Variants in BNIP1 observed in about 807,000 individuals in gnomAD.
BNIP1 encodes BCL2 interacting protein 1, also known as vesicle transport protein SEC20.
A neutral mutation model predicts 28.5 loss-of-function variants in BNIP1; 25 were observed. The observed-to-expected ratio is 0.88, with a 90% CI of 0.64 to 1.23. BNIP1 has a LOEUF of 1.23. Ranked by LOEUF, BNIP1 falls within the 50% of genes most tolerant of loss-of-function variation. The pLI is 0.00. For synonymous variants in BNIP1, 118 were observed against 101.7 expected (o/e 1.16, Z -0.96); for missense variants, 276 against 277.0 (o/e 1.00, Z 0.02).
chr5:173,159,437 A>C (rs1039042415), intron 4 of BNIP1, among the ~76,000 whole-genome samples: 18 of 152,094 alleles, frequency 1.2e-4, no homozygotes, highest in Admixed American at 3.3e-4. Context: ...ACCATACATA[A>C]AATTTCATAT....
intron 3 of BNIP1, among the ~76,000 whole-genome samples, chr5:173,157,924 G>C (rs1375839735): frequency 7.0e-6 from 1 of 143,876 alleles, no homozygotes; most frequent in East Asian, 2.0e-4. Flanking sequence ...GTGTGTGTGT[G>C]TGTTTTTTTT....
rs1760450212 is a variant in BNIP1 at position 173,164,337 on chromosome 5, A to G, written c.*416A>G. ...ATGAAAACTCCTGGTCATTCCTTGA[A>G]TAAACTTGATTTTATTTAATAGAAT... On this transcript the variant is annotated 3_prime_UTR_variant, in exon 6 of 6. Transcript: ENST00000351486. The surrounding 1 kb of genome is among the most constrained non-coding windows in gnomAD (Gnocchi z 4.0). 1 of 160,228 alleles carries G rather than the reference A, an allele frequency of 6.2e-6. No homozygotes were observed. Among genetic ancestry groups the G allele is most frequent in the Admixed American group, 6.4e-5 (1 of 15,526 alleles). 9.9% of individuals were successfully genotyped at this position (160,228 alleles called of 1,614,324 possible).
In BNIP1 at chr5:173,159,719, A is replaced by G. The variant is rs371756646; in HGVS notation, c.372-214A>G. Among the ~76,000 whole-genome samples, 18 of 152,284 alleles carry G rather than the reference A, an allele frequency of 1.2e-4. No individual in the cohort carries two copies. The South Asian group carries it at 3.7e-3, about 32-fold the overall frequency. ...CATTACCAAGGCTCTTCAATTGGCAAATTGCTTTACAGAAGGCAGCACTGG... is the reference window on the plus strand; with the variant it reads ...CATTACCAAGGCTCTTCAATTGGCAGATTGCTTTACAGAAGGCAGCACTGG... On this transcript the variant is annotated intron_variant, in intron 4 of 5. Coordinates refer to ENST00000351486, the MANE Select transcript of BNIP1 (RefSeq NM_001205.3).
At chr5:173,152,599 C>G (rs1438740446) in intron 2 of BNIP1, among the ~76,000 whole-genome samples, 1 of 152,160 alleles carries the variant, frequency 6.6e-6, no homozygotes, top group Non-Finnish European at 1.5e-5. Flanking sequence ...TCTGCCTGCC[C>G]TGGCCTCCCA....
At position 173,160,014 on chromosome 5, in the gene BNIP1, G is replaced by A; in HGVS notation, c.453G>A (p.Gln151=). ...SLMGISRMMA[Q]QVQQSEEAMQ... is the part of the protein sequence containing the mutation. ...TGGGGATCAGCAGGATGATGGCCCA[G>A]CAGGTCCAGCAGAGCGAGGAGGCCA... Residue 151 remains glutamine (Q), a synonymous_variant, in exon 5 of 6, where the codon CAG becomes CAA. Transcript: ENST00000351486. 6.2e-7 allele frequency: 1 copy of A among 1,614,106 alleles called. No homozygotes were observed. The highest frequency in any genetic ancestry group is 8.5e-7 in the Non-Finnish European group (1 of 1,179,994).
intron 1 of BNIP1, among the ~76,000 whole-genome samples, chr5:173,146,323 G>A (rs577491983): frequency 1.3e-5 from 2 of 152,340 alleles, no homozygotes; most frequent in African/African-American, 4.8e-5. Flanking sequence ...AGAGCCTGCC[G>A]TGAAAGCTGG....
At chr5:173,144,691 G>T in intron 1 of BNIP1, 62 bp downstream of exon 1, 1 of 1,559,460 alleles carries the variant, frequency 6.4e-7, no homozygotes, top group South Asian at 1.1e-5. Context: ...GCTGGTCTGT[G>T]AGCTTGGCAG....
intron 2 of BNIP1, chr5:173,151,686 A>G: frequency 6.2e-7 from 1 of 1,613,526 alleles, no homozygotes; most frequent in South Asian, 1.1e-5. Context: ...TACACCTGTT[A>G]CCTTCAGTGT....
Position 173,164,011 on chromosome 5 carries a change from C to A in BNIP1, c.*90C>A. 2.3e-6 allele frequency: 3 copies of A among 1,321,188 alleles called. No homozygotes were observed. Among genetic ancestry groups the A allele is most frequent in the Non-Finnish European group, 3.1e-6 (3 of 980,916 alleles). 81.8% of individuals were successfully genotyped at this position (1,321,188 alleles called of 1,614,324 possible). ...CTCTAGGCTGCTAAGCTGAGCCACACACCCCTCCGTTTGCACCAGTTGCCT... is the reference window on the plus strand; with the variant it reads ...CTCTAGGCTGCTAAGCTGAGCCACAAACCCCTCCGTTTGCACCAGTTGCCT... On this transcript the variant is annotated 3_prime_UTR_variant, in exon 6 of 6. Coordinates refer to ENST00000351486, the MANE Select transcript of BNIP1 (RefSeq NM_001205.3). This position sits in a 1 kb window ranked among gnomAD's most constrained non-coding sequence, Gnocchi z 4.0.
intron 2 of BNIP1, among the ~76,000 whole-genome samples, chr5:173,149,644 A>T (rs1561594240): frequency 6.6e-6 from 1 of 152,136 alleles, no homozygotes; most frequent in African/African-American, 2.4e-5. Context: ...TAATTTATTT[A>T]AAAAAATGGG....
chr5:173,156,259 A>G (rs141597709), intron 3 of BNIP1, among the ~76,000 whole-genome samples: 5 of 152,336 alleles, frequency 3.3e-5, no homozygotes, highest in Non-Finnish European at 7.3e-5. Flanking sequence ...ATGGTAAGTT[A>G]TGCCAGACAC....
chr5:173,155,698 C>CA (rs879944123), intron 3 of BNIP1, among the ~76,000 whole-genome samples: 284 of 147,746 alleles, frequency 1.9e-3, no homozygotes, highest in African/African-American at 6.5e-3. Flanking sequence ...ACCTTAAAAA[C>CA]AAAAAAAAAA....
chr5:173,145,358 G>T (rs376097451), intron 1 of BNIP1, among the ~76,000 whole-genome samples: 40 of 152,286 alleles, frequency 2.6e-4, no homozygotes, highest in African/African-American at 9.4e-4. Flanking sequence ...ACGGTTCCAT[G>T]AGTTCAGCAA....
chr5:173,155,740 G>A (rs984154495), intron 3 of BNIP1, among the ~76,000 whole-genome samples: 4 of 151,850 alleles, frequency 2.6e-5, no homozygotes, highest in African/African-American at 9.7e-5. Context: ...AAAAAATTTT[G>A]GAAATGAGGT....
intron 2 of BNIP1, among the ~76,000 whole-genome samples, chr5:173,153,857 C>A (rs1188445765): frequency 6.6e-6 from 1 of 152,174 alleles, no homozygotes; most frequent in East Asian, 1.9e-4. Flanking sequence ...TGCACGAGCT[C>A]TCAAACCTTC....
At chr5:173,157,656 C>G (rs1760239048) in intron 3 of BNIP1, among the ~76,000 whole-genome samples, 1 of 152,046 alleles carries the variant, frequency 6.6e-6, no homozygotes, top group Non-Finnish European at 1.5e-5. Flanking sequence ...CTCAAGTGAC[C>G]CACCCGCCTC....
chr5:173,146,093 G>A (rs937922458), intron 1 of BNIP1, among the ~76,000 whole-genome samples: 16 of 152,196 alleles, frequency 1.1e-4, no homozygotes, highest in Non-Finnish European at 2.1e-4. Flanking sequence ...TGTCATTGCT[G>A]ATGAGAAAGA....
At chr5:173,163,570 G>A (rs1376296403) in intron 5 of BNIP1, among the ~76,000 whole-genome samples, 155 bp from the exon 6 acceptor site, 1 of 152,132 alleles carries the variant, frequency 6.6e-6, no homozygotes, top group Non-Finnish European at 1.5e-5. Flanking sequence ...GCCTTTCCTT[G>A]TCAGCTCCTT....
Position 173,164,077 on chromosome 5 carries a change from A to T in BNIP1, c.*156A>T. Reference sequence around the variant, plus strand: ...CACAGTGCCCCACTTTTCTGCAAGTAGCTGGCTTGTAAAGGGTGAACAGAG... The same window carrying T: ...CACAGTGCCCCACTTTTCTGCAAGTTGCTGGCTTGTAAAGGGTGAACAGAG... On this transcript the variant is annotated 3_prime_UTR_variant, in exon 6 of 6. Coordinates refer to ENST00000351486, the MANE Select transcript of BNIP1 (RefSeq NM_001205.3). The surrounding 1 kb of genome is among the most constrained non-coding windows in gnomAD (Gnocchi z 4.0). 1.4e-6 allele frequency: 1 copy of T among 716,124 alleles called. No individual in the cohort carries two copies. The highest frequency in any genetic ancestry group is 2.2e-6 in the Non-Finnish European group (1 of 464,458). 44.4% of individuals were successfully genotyped at this position (716,124 alleles called of 1,614,324 possible).
Sources: allele counts gnomAD v4.1 joint callset (sites outside exome capture counted in the v4.1 genomes callset), GRCh38; gene constraint gnomAD v4.1.1; non-coding constraint Gnocchi (gnomAD v3.1); transcripts MANE v1.5; gene names NCBI Gene and HGNC (gene_info 2026-07-23, HGNC 2026-07-21).